AUH: variants seen among roughly 807,000 people sequenced by gnomAD.
The protein encoded by AUH is AU RNA binding methylglutaconyl-CoA hydratase, also known as methylglutaconyl-CoA hydratase, mitochondrial.
A neutral mutation model predicts 42.3 loss-of-function variants in AUH; 29 were observed. The observed-to-expected ratio is 0.69, with a 90% confidence interval of 0.51 to 0.93. AUH has a LOEUF of 0.93. AUH is among the 40% of genes least tolerant of loss of function. AUH has a pLI of 0.00. For synonymous variants in AUH, 174 were observed against 166.4 expected (o/e 1.05, Z -0.35); for missense variants, 452 against 438.1 (o/e 1.03, Z -0.28).
At chr9:91,287,273 G>C (rs1416017392) in intron 6 of AUH, among the ~76,000 whole-genome samples, 2 of 151,904 alleles carry the variant, frequency 1.3e-5, no homozygotes, top group Non-Finnish European at 2.9e-5. Context: ...AAAAATAAAA[G>C]ACATTCCACA....
intron 8 of AUH, 59 bp from the exon 9 acceptor site, chr9:91,216,165 C>A (rs1826809071): frequency 6.7e-7 from 1 of 1,497,850 alleles, no homozygotes; most frequent in East Asian, 2.3e-5. Flanking sequence ...GTGGTATATT[C>A]AACAGAAATT....
At chr9:91,232,980 T>C (rs1290887565) in intron 6 of AUH, among the ~76,000 whole-genome samples, 1 of 152,194 alleles carries the variant, frequency 6.6e-6, no homozygotes, top group Non-Finnish European at 1.5e-5. Flanking sequence ...ATTTTGGAAT[T>C]CCTCCTTTAA....
At chr9:91,278,988 G>T (rs2131552705) in intron 6 of AUH, among the ~76,000 whole-genome samples, 1 of 152,196 alleles carries the variant, frequency 6.6e-6, no homozygotes, top group Non-Finnish European at 1.5e-5. Context: ...GTTCAGTGGT[G>T]GCATGAAAAA....
chr9:91,354,443 T>C (rs1832252395), intron 3 of AUH, among the ~76,000 whole-genome samples: 1 of 152,244 alleles, frequency 6.6e-6, no homozygotes, highest in Non-Finnish European at 1.5e-5. Flanking sequence ...GCATGTGGTA[T>C]ATTATTTGAG....
At chr9:91,298,966 C>G (rs897407794) in intron 4 of AUH, among the ~76,000 whole-genome samples, 3 of 152,142 alleles carry the variant, frequency 2.0e-5, no homozygotes, top group Non-Finnish European at 2.9e-5. Context: ...CGCCTGTAAT[C>G]CCAGCACTTT....
At chr9:91,297,925 G>C in intron 5 of AUH, 59 bp downstream of exon 5, 1 of 1,283,802 alleles carries the variant, frequency 7.8e-7, no homozygotes. Flanking sequence ...AAAATTACCT[G>C]AAGAGTAAAC....
chr9:91,343,607 T>C (rs1269031959), intron 3 of AUH, among the ~76,000 whole-genome samples: 1 of 151,978 alleles, frequency 6.6e-6, no homozygotes. Context: ...CTACTAAAAA[T>C]ACAAAAATTA....
intron 3 of AUH, among the ~76,000 whole-genome samples, chr9:91,332,174 T>C (rs1212002237): frequency 1.3e-5 from 2 of 152,180 alleles, no homozygotes; most frequent in South Asian, 2.1e-4. Flanking sequence ...TATCAGTGAT[T>C]TGGTTCTCAA....
intron 3 of AUH, among the ~76,000 whole-genome samples, chr9:91,351,815 T>A (rs985111516): frequency 1.3e-5 from 2 of 152,156 alleles, no homozygotes; most frequent in African/African-American, 4.8e-5. Context: ...ATGGAACAGT[T>A]TCACCCTGAA....
intron 4 of AUH, among the ~76,000 whole-genome samples, chr9:91,314,144 A>G (rs1762800571): frequency 6.6e-6 from 1 of 152,120 alleles, no homozygotes; most frequent in African/African-American, 2.4e-5. Flanking sequence ...TTTGTTAGAC[A>G]TGCAAAAGGA....
intron 6 of AUH, among the ~76,000 whole-genome samples, chr9:91,243,414 C>G (rs1342093312): frequency 6.6e-6 from 1 of 152,218 alleles, no homozygotes; most frequent in African/African-American, 2.4e-5. Context: ...AAAACAAAAT[C>G]ACACAGCAGT....
At chr9:91,236,758 T>C (rs1365294615) in intron 6 of AUH, among the ~76,000 whole-genome samples, 2 of 152,162 alleles carry the variant, frequency 1.3e-5, no homozygotes, top group Non-Finnish European at 2.9e-5. Context: ...TATGAGACAA[T>C]GTATAGATAA....
At chr9:91,279,225 C>T (rs908556757) in intron 6 of AUH, among the ~76,000 whole-genome samples, 3 of 152,146 alleles carry the variant, frequency 2.0e-5, no homozygotes, top group African/African-American at 7.2e-5. Flanking sequence ...CAGGTAATGA[C>T]ATAGGCACTT....
chr9:91,297,353 T>C (rs1444511554), intron 5 of AUH, among the ~76,000 whole-genome samples: 1 of 151,912 alleles, frequency 6.6e-6, no homozygotes, highest in Non-Finnish European at 1.5e-5. Context: ...CTAATTCTTT[T>C]CACTCTTTTT....
At chr9:91,354,517 T>C (rs777268848) in intron 3 of AUH, among the ~76,000 whole-genome samples, 3 of 152,156 alleles carry the variant, frequency 2.0e-5, no homozygotes, top group Non-Finnish European at 4.4e-5. Context: ...GCTAAAGCAT[T>C]AAAGCTTTTT....
At chr9:91,347,998 C>A (rs1831659908) in intron 3 of AUH, among the ~76,000 whole-genome samples, 1 of 149,998 alleles carries the variant, frequency 6.7e-6, no homozygotes, top group Non-Finnish European at 1.5e-5. Context: ...AATTATAAGG[C>A]AGAAAAATGA....
intron 3 of AUH, among the ~76,000 whole-genome samples, chr9:91,353,381 A>G (rs1353696866): frequency 2.6e-5 from 4 of 152,120 alleles, no homozygotes; most frequent in African/African-American, 9.7e-5. Context: ...CACCGCGCCC[A>G]GCAGAGGTTT....
At chr9:91,292,897 T>C (rs138254219) in intron 6 of AUH, among the ~76,000 whole-genome samples, 87 of 152,320 alleles carry the variant, frequency 5.7e-4, no homozygotes, top group African/African-American at 2.0e-3. Flanking sequence ...GGCACCATTT[T>C]TCCAACAGTA....
intron 6 of AUH, among the ~76,000 whole-genome samples, chr9:91,275,045 G>A (rs1479523244): frequency 1.3e-5 from 2 of 152,186 alleles, no homozygotes; most frequent in Non-Finnish European, 2.9e-5. Flanking sequence ...AACACATTAA[G>A]TTACAGTAAC....
Sources: allele counts gnomAD v4.1 joint callset (sites outside exome capture counted in the v4.1 genomes callset), GRCh38; gene constraint gnomAD v4.1.1; transcripts MANE v1.5; gene names NCBI Gene and HGNC (gene_info 2026-07-23, HGNC 2026-07-21).